The following MROH9 variants were observed in gnomAD, a reference collection of about 807,000 sequenced individuals.
MROH9 encodes maestro heat like repeat family member 9.
A neutral mutation model predicts 98.2 loss-of-function variants in MROH9; 92 were observed. The observed-to-expected ratio is 0.94, with a 90% CI of 0.79 to 1.11. The LOEUF (loss-of-function observed/expected upper bound fraction) is 1.11. MROH9 is among the 50% of genes most tolerant of loss of function. MROH9 has a pLI of 0.00. For synonymous variants in MROH9, 397 were observed against 368.9 expected (o/e 1.08, Z -0.87); for missense variants, 1,057 against 1,014.8 (o/e 1.04, Z -0.57).
intron 12 of MROH9, among the ~76,000 whole-genome samples, chr1:170,993,096 G>A (rs558801543): frequency 6.6e-6 from 1 of 152,184 alleles, no homozygotes; most frequent in Non-Finnish European, 1.5e-5. Context: ...CCTGAATATC[G>A]AAATTCCAAA....
At chr1:171,048,869 T>C (rs887709899) in intron 20 of MROH9, among the ~76,000 whole-genome samples, 1 of 152,172 alleles carries the variant, frequency 6.6e-6, no homozygotes, top group Non-Finnish European at 1.5e-5. Context: ...AGGTAATGAA[T>C]GCTGCCAGGA....
chr1:171,016,202 G>A lies in MROH9; in HGVS notation c.1774G>A (p.Ala592Thr), dbSNP rs967873936. ...CAGTATATTAATAGCCATCCTGGAT[G>A]CCTTCCTTTCCAAAGACGATAATGT... ...VSSILIAILD[A>T]FLSKDDNVVL... Residue 592 changes from alanine to threonine, a missense_variant, in exon 17 of 22, where the codon GCC becomes ACC. Coordinates refer to ENST00000367759, the MANE Select transcript of MROH9 (RefSeq NM_001163629.2). The A allele has an allele frequency of 1.5e-5, 23 of 1,534,084 alleles. No individual in the cohort carries two copies. The African/African-American group carries it at 2.9e-4, about 19-fold the overall frequency.
chr1:170,970,298 C>T (rs1469131121), intron 7 of MROH9, among the ~76,000 whole-genome samples: 1 of 152,110 alleles, frequency 6.6e-6, no homozygotes, highest in Admixed American at 6.5e-5. Context: ...AGAAGTACTA[C>T]TCTTCTCTCA....
At chr1:171,057,973 A>AT (rs1246866809) in intron 20 of MROH9, among the ~76,000 whole-genome samples, 3 of 152,102 alleles carry the variant, frequency 2.0e-5, no homozygotes, top group Admixed American at 6.5e-5. Context: ...ATGGGGGGAA[A>AT]AAAACACCAA....
chr1:170,940,847 C>G (rs187311062), intron 1 of MROH9, among the ~76,000 whole-genome samples: 1 of 152,176 alleles, frequency 6.6e-6, no homozygotes, highest in Admixed American at 6.5e-5. Context: ...TACTATGTTC[C>G]TAGGTAGAGG....
chr1:170,985,952 CTT>C (rs34229108), intron 9 of MROH9, among the ~76,000 whole-genome samples: 16 of 150,298 alleles, frequency 1.1e-4, no homozygotes, highest in East Asian at 3.9e-4. Flanking sequence ...GGGAGAATGA[CTT>C]TTTTTTTTTC....
chr1:170,997,438 T>A (rs1651623094), intron 14 of MROH9, among the ~76,000 whole-genome samples: 1 of 152,138 alleles, frequency 6.6e-6, no homozygotes, highest in Admixed American at 6.6e-5. Flanking sequence ...CAGCATCACC[T>A]GAGAGTTAAA....
chr1:170,972,019 ATG>A, intron 8 of MROH9, 136 bp downstream of exon 8: 1 of 974,194 alleles, frequency 1.0e-6, no homozygotes. Flanking sequence ...ACTTTCTAAA[ATG>A]TGTCTTTTAA....
At chr1:170,943,138 T>C (rs866634678) in intron 1 of MROH9, among the ~76,000 whole-genome samples, 18 of 151,988 alleles carry the variant, frequency 1.2e-4, no homozygotes, top group African/African-American at 4.3e-4. Context: ...ATTAAAAAAA[T>C]CAATGACAAA....
At chr1:170,948,511 C>T (rs770364306) in intron 3 of MROH9, among the ~76,000 whole-genome samples, 63 of 151,930 alleles carry the variant, frequency 4.1e-4, no homozygotes, top group Admixed American at 7.9e-4. Context: ...TTTAGAATTA[C>T]ACTCACTCAA....
chr1:170,949,821 G>A (rs1022526548), intron 3 of MROH9, among the ~76,000 whole-genome samples: 3 of 151,898 alleles, frequency 2.0e-5, no homozygotes. Context: ...GGACCAAAAA[G>A]GAAACATATT....
chr1:170,957,364 G>C (rs1449981856), intron 3 of MROH9, among the ~76,000 whole-genome samples: 1 of 152,026 alleles, frequency 6.6e-6, no homozygotes. Flanking sequence ...AAAAGATAAG[G>C]GTCCCATTTC....
At chr1:171,011,498 T>G (rs1276089426) in intron 15 of MROH9, among the ~76,000 whole-genome samples, 2 of 152,212 alleles carry the variant, frequency 1.3e-5, no homozygotes, top group Non-Finnish European at 2.9e-5. Context: ...TTGACTTACA[T>G]TTGGAGATTT....
chr1:171,059,960 A>G (rs976988483), intron 20 of MROH9, among the ~76,000 whole-genome samples: 1 of 152,072 alleles, frequency 6.6e-6, no homozygotes, highest in Non-Finnish European at 1.5e-5. Flanking sequence ...GAAAGGTTAT[A>G]TATGCACTCA....
chr1:171,036,628 T>C (rs556756142), intron 20 of MROH9, among the ~76,000 whole-genome samples: 6 of 151,910 alleles, frequency 3.9e-5, no homozygotes, highest in African/African-American at 1.4e-4. Context: ...TCAGATAAAT[T>C]AGAAATAATC....
At chr1:170,998,050 T>A in intron 14 of MROH9, 104 bp from the exon 15 acceptor site, 1 of 843,050 alleles carries the variant, frequency 1.2e-6, no homozygotes, top group Non-Finnish European at 1.8e-6. Flanking sequence ...AAAGAATATC[T>A]TTCATCTGGG....
intron 20 of MROH9, among the ~76,000 whole-genome samples, chr1:171,026,205 AC>A (rs1479793624): frequency 1.3e-5 from 2 of 151,798 alleles, no homozygotes; most frequent in African/African-American, 4.9e-5. Flanking sequence ...AGACACAGGC[AC>A]GTGCGCGCAC....
At chr1:170,939,404 G>A (rs1391894955) in intron 1 of MROH9, among the ~76,000 whole-genome samples, 2 of 152,208 alleles carry the variant, frequency 1.3e-5, no homozygotes, top group African/African-American at 4.8e-5. Context: ...CTTCAGAGAT[G>A]TCCCAAAAGG....
At chr1:171,024,303 GGTGT>G (rs3077629) in intron 17 of MROH9, 88 bp from the exon 18 acceptor site, 251 of 669,496 alleles carry the variant, frequency 3.7e-4, no homozygotes, top group Non-Finnish European at 4.7e-4. Flanking sequence ...ATTTATATGG[GGTGT>G]GTGTGTGTGT....
Sources: gnomAD v4.1 joint callset for allele counts (sites outside exome capture counted in the v4.1 genomes callset) on GRCh38, gnomAD v4.1.1 for gene constraint, MANE v1.5 for transcripts, NCBI Gene and HGNC (gene_info 2026-07-23, HGNC 2026-07-21) for gene names.